The following NEBL variants were observed in gnomAD, a reference collection of about 807,000 sequenced individuals.
The protein encoded by NEBL is nebulette, also known as LIM and SH3 protein 2.
A neutral mutation model predicts 140.2 loss-of-function variants in NEBL; 122 were observed. That is an observed-to-expected ratio of 0.87 (90% confidence interval 0.75 to 1.01). The LOEUF (loss-of-function observed/expected upper bound fraction) is 1.01, where lower values mean the gene tolerates loss of function less well. NEBL is among the 50% of genes least tolerant of loss of function. The pLI, the probability that NEBL is intolerant of heterozygous loss-of-function variation, is 0.00. For missense variants in NEBL, 1,365 were observed against 1,231.3 expected (o/e 1.11, Z -1.62); for synonymous variants, 436 against 398.9 (o/e 1.09, Z -1.11).
intron 2 of NEBL, among the ~76,000 whole-genome samples, chr10:21,128,829 C>T (rs1277409840): frequency 6.6e-6 from 1 of 152,154 alleles, no homozygotes; most frequent in Non-Finnish European, 1.5e-5. Flanking sequence ...AGATGGTCCT[C>T]AAACTCCCAC....
intron 1 of NEBL, among the ~76,000 whole-genome samples, chr10:21,257,196 A>G (rs934243273): frequency 6.6e-6 from 1 of 152,232 alleles, no homozygotes; most frequent in East Asian, 1.9e-4. Flanking sequence ...GCAAAGGATA[A>G]AGTTTCAATG....
intron 4 of NEBL, among the ~76,000 whole-genome samples, chr10:20,931,049 G>A (rs1834158988): frequency 6.6e-6 from 1 of 152,026 alleles, no homozygotes; most frequent in Non-Finnish European, 1.5e-5. Flanking sequence ...ACAACTCTGA[G>A]CAAGCCAGTC....
intron 2 of NEBL, among the ~76,000 whole-genome samples, chr10:21,051,318 A>T (rs908595131): frequency 1.1e-4 from 16 of 152,238 alleles, no homozygotes; most frequent in African/African-American, 3.6e-4. Flanking sequence ...TTAGAAATCA[A>T]TGTTAATGAG....
intron 2 of NEBL, among the ~76,000 whole-genome samples, chr10:21,139,129 T>A (rs1386999388): frequency 1.3e-5 from 2 of 152,098 alleles, no homozygotes. Flanking sequence ...ATGTTAAGAG[T>A]CACGGCTGGC....
chr10:20,828,568 T>C lies in NEBL; in HGVS notation c.1738A>G (p.Ile580Val). ...NYSTIADTPE[I>V]QRIKTTQQNI... Reference sequence around the variant, plus strand: ...TGTTGAGTTGTCTTAATTCTCTGAATTTCAGGAGTATCTGCTATGGTAGAA... The same window carrying C: ...TGTTGAGTTGTCTTAATTCTCTGAACTTCAGGAGTATCTGCTATGGTAGAA... Residue 580 changes from isoleucine to valine, a missense_variant, in exon 17 of 28, where the codon ATT becomes GTT. Physicochemically the swap from Ile to Val is conservative, Grantham distance 29 (BLOSUM62 3). Coordinates refer to ENST00000377122, the MANE Select transcript of NEBL (RefSeq NM_006393.3). 1 of 1,597,528 alleles carries C rather than the reference T, an allele frequency of 6.3e-7. No individual in the cohort carries two copies. Among genetic ancestry groups the C allele is most frequent in the Non-Finnish European group, 8.6e-7 (1 of 1,165,282 alleles).
At chr10:21,007,830 A>G (rs1838194465) in intron 3 of NEBL, among the ~76,000 whole-genome samples, 2 of 152,230 alleles carry the variant, frequency 1.3e-5, no homozygotes, top group African/African-American at 4.8e-5. Context: ...ATTTTGAAAA[A>G]GATCTCATTA....
At position 20,872,905 on chromosome 10, in the gene NEBL, A is replaced by G. The variant is rs1056486113; in HGVS notation, c.481-3064T>C. Among the ~76,000 whole-genome samples the G allele has an allele frequency of 2.6e-5, 4 of 152,176 alleles. No individual in the cohort carries two copies. In the South Asian group the frequency reaches 6.2e-4, roughly 24 times the overall value. Reference sequence around the variant, plus strand: ...AGCATATCATCAAGAAATAACCATAAAAGTGGGCAACCAGCAGCCTTCGGG... The same window carrying G: ...AGCATATCATCAAGAAATAACCATAGAAGTGGGCAACCAGCAGCCTTCGGG... On this transcript the variant is annotated intron_variant, in intron 5 of 27. Transcript: ENST00000377122.
In NEBL at chr10:21,098,079, A is replaced by G. The variant is rs1301778388; in HGVS notation, c.164+74304T>C. Among the ~76,000 whole-genome samples, 4 of 152,194 alleles carry G rather than the reference A, an allele frequency of 2.6e-5. No individual in the cohort carries two copies. In the South Asian group the frequency reaches 8.3e-4, roughly 32 times the overall value. On this transcript the variant is annotated intron_variant, in intron 2 of 6. Transcript: ENST00000417816. ...AATGTTGCAAAAGGATGAAATCAGT[A>G]ACAATGGGTCTACTGAAAAGAGGCA...
chr10:21,247,805 C>T (rs1022418494), intron 3 of NEBL: 1 of 163,172 alleles, frequency 6.1e-6, no homozygotes, highest in African/African-American at 2.4e-5. Context: ...CAAATCATCC[C>T]AGCTGGACAA....
At chr10:20,960,481 T>A (rs1409562629) in intron 4 of NEBL, among the ~76,000 whole-genome samples, 1 of 152,048 alleles carries the variant, frequency 6.6e-6, no homozygotes, top group African/African-American at 2.4e-5. Flanking sequence ...TCCCTACTAA[T>A]ATAAAATGTC....
At chr10:20,939,308 C>G (rs565611615) in intron 4 of NEBL, among the ~76,000 whole-genome samples, 1 of 152,118 alleles carries the variant, frequency 6.6e-6, no homozygotes, top group Admixed American at 6.5e-5. Context: ...GAATTTTCAA[C>G]CCAGAATTTC....
intron 26 of NEBL, among the ~76,000 whole-genome samples, chr10:20,799,446 C>T (rs1005845877): frequency 1.3e-5 from 2 of 152,150 alleles, no homozygotes; most frequent in African/African-American, 4.8e-5. Flanking sequence ...GTGCCCGGTT[C>T]ATCACAGACA....
intron 3 of NEBL, among the ~76,000 whole-genome samples, chr10:21,237,266 G>A (rs577414356): frequency 4.6e-5 from 7 of 151,898 alleles, no homozygotes; most frequent in Middle Eastern, 3.4e-3. Flanking sequence ...GTGCAGTAGC[G>A]CAATCTCAAC....
chr10:21,286,804 G>T (rs993819810), intron 1 of NEBL, among the ~76,000 whole-genome samples: 2 of 151,576 alleles, frequency 1.3e-5, no homozygotes, highest in African/African-American at 4.9e-5. Context: ...GCGCCACTGC[G>T]CTCCAGCCTG....
chr10:21,114,239 T>A (rs1285769238), intron 2 of NEBL, among the ~76,000 whole-genome samples: 1 of 152,114 alleles, frequency 6.6e-6, no homozygotes, highest in Non-Finnish European at 1.5e-5. Flanking sequence ...TATCCAGATA[T>A]CTTTCTGTTA....
At chr10:20,797,977 C>A (rs114089295) in intron 26 of NEBL, among the ~76,000 whole-genome samples, 1,726 of 152,056 alleles carry the variant, frequency 0.011, 32 homozygotes, top group African/African-American at 0.038. Context: ...GTGGAGGATG[C>A]CTGTCCTCCC....
chr10:20,968,785 C>G (rs1836441934), intron 3 of NEBL, among the ~76,000 whole-genome samples: 1 of 152,166 alleles, frequency 6.6e-6, no homozygotes, highest in African/African-American at 2.4e-5. Flanking sequence ...AATTTCATTA[C>G]CTTTCACGAC....
intron 3 of NEBL, among the ~76,000 whole-genome samples, chr10:20,966,234 G>A (rs922034411): frequency 5.3e-4 from 81 of 152,174 alleles, no homozygotes; most frequent in African/African-American, 1.9e-3. Context: ...TGTATGCACA[G>A]AAACATGATA....
intron 26 of NEBL, among the ~76,000 whole-genome samples, chr10:20,802,270 T>G (rs966153884): frequency 7.9e-5 from 12 of 152,160 alleles, no homozygotes; most frequent in African/African-American, 2.9e-4. Context: ...AAAGGAAACC[T>G]CACAGTGAAA....
Sources: allele counts gnomAD v4.1 joint callset (sites outside exome capture counted in the v4.1 genomes callset), GRCh38; gene constraint gnomAD v4.1.1; transcripts MANE v1.5; gene names NCBI Gene and HGNC (gene_info 2026-07-23, HGNC 2026-07-21).